The following RBFOX1 variants were observed in gnomAD, a reference collection of about 807,000 sequenced individuals.
RBFOX1 encodes the protein RNA binding protein fox-1 homolog 1.
RBFOX1 carries 8 observed loss-of-function variants against 57.7 expected under a neutral mutation model. The ratio of observed to expected loss-of-function variants is 0.14; its 90% CI spans 0.08 to 0.25. The LOEUF (loss-of-function observed/expected upper bound fraction) is 0.25, where lower values mean the gene tolerates loss of function less well. RBFOX1 is among the 10% of genes least tolerant of loss of function. RBFOX1 has a pLI of 1.00. For missense variants in RBFOX1, 611 were observed against 548.5 expected (o/e 1.11, Z -1.14); for synonymous variants, 326 against 222.4 (o/e 1.47, Z -4.15).
intron 1 of RBFOX1, among the ~76,000 whole-genome samples, chr16:5,336,720 G>A (rs151212007): frequency 2.0e-5 from 3 of 152,314 alleles, no homozygotes; most frequent in Non-Finnish European, 4.4e-5. Context: ...GTTGTCTTTA[G>A]AAGCTGACAG....
At chr16:5,813,487 G>A (rs2055509712) in intron 3 of RBFOX1, among the ~76,000 whole-genome samples, 1 of 152,198 alleles carries the variant, frequency 6.6e-6, no homozygotes, top group Non-Finnish European at 1.5e-5. Context: ...TAAAGGGAAT[G>A]AAGCACTGAT....
At chr16:7,181,193 C>T (rs1053402253) in intron 4 of RBFOX1, among the ~76,000 whole-genome samples, 10 of 152,172 alleles carry the variant, frequency 6.6e-5, no homozygotes, top group African/African-American at 1.9e-4. Context: ...TTGAACCTTG[C>T]GTAGTCACAA....
chr16:6,493,856 C>G (rs923455411), intron 2 of RBFOX1, among the ~76,000 whole-genome samples: 3 of 152,150 alleles, frequency 2.0e-5, no homozygotes, highest in Non-Finnish European at 2.9e-5. Context: ...TAGAAATAAT[C>G]AGTATAAACT....
At chr16:6,965,365 T>C (rs1032734419) in intron 3 of RBFOX1, among the ~76,000 whole-genome samples, 1 of 139,848 alleles carries the variant, frequency 7.2e-6, no homozygotes, top group Non-Finnish European at 1.6e-5. Flanking sequence ...GTGTGTATGA[T>C]GGAGTCTTGG....
intron 1 of RBFOX1, among the ~76,000 whole-genome samples, chr16:5,293,198 G>A (rs1487662608): frequency 6.6e-6 from 1 of 152,036 alleles, no homozygotes; most frequent in Non-Finnish European, 1.5e-5. Flanking sequence ...GTGCACGCCT[G>A]TAATCCCAGC....
chr16:7,706,379 T>G (rs1288276050), intron 14 of RBFOX1, among the ~76,000 whole-genome samples: 1 of 152,212 alleles, frequency 6.6e-6, no homozygotes, highest in Non-Finnish European at 1.5e-5. Context: ...TCCTTCTGCC[T>G]TGGAAGAGAA....
intron 5 of RBFOX1, among the ~76,000 whole-genome samples, chr16:7,526,138 T>C (rs187390495): frequency 7.2e-5 from 11 of 152,260 alleles, no homozygotes; most frequent in African/African-American, 2.2e-4. Flanking sequence ...GGGATCTAGA[T>C]TGTGTGCTCC....
intron 3 of RBFOX1, among the ~76,000 whole-genome samples, chr16:5,805,947 G>A (rs972488704): frequency 7.2e-5 from 11 of 152,314 alleles, no homozygotes; most frequent in Admixed American, 3.9e-4. Flanking sequence ...GGAGAAATCT[G>A]TCCTGCATAG....
At chr16:5,747,400 A>G (rs1404578713) in intron 3 of RBFOX1, among the ~76,000 whole-genome samples, 3 of 152,208 alleles carry the variant, frequency 2.0e-5, no homozygotes, top group African/African-American at 7.2e-5. Flanking sequence ...TGGCCTCATA[A>G]AATGAGTTAG....
intron 4 of RBFOX1, among the ~76,000 whole-genome samples, chr16:5,985,958 C>T (rs1401251679): frequency 2.0e-5 from 3 of 152,140 alleles, no homozygotes; most frequent in Admixed American, 2.0e-4. Context: ...CCATTAGTAT[C>T]CACCCGTATA....
chr16:7,613,018 G>A (rs376253177), intron 10 of RBFOX1, among the ~76,000 whole-genome samples: 1 of 152,184 alleles, frequency 6.6e-6, no homozygotes, highest in African/African-American at 2.4e-5. Context: ...TCCATGAGAC[G>A]TGATCAATAG....
intron 2 of RBFOX1, among the ~76,000 whole-genome samples, chr16:6,439,184 G>T (rs928783644): frequency 6.6e-6 from 1 of 152,232 alleles, no homozygotes; most frequent in Non-Finnish European, 1.5e-5. Flanking sequence ...CATGAGGTCA[G>T]TTGCATACAG....
intron 1 of RBFOX1, among the ~76,000 whole-genome samples, chr16:6,076,378 A>G (rs1426061395): frequency 1.3e-5 from 2 of 151,750 alleles, no homozygotes; most frequent in Non-Finnish European, 2.9e-5. Flanking sequence ...TCTTTGGGTT[A>G]CATATGCTTT....
intron 2 of RBFOX1, among the ~76,000 whole-genome samples, chr16:6,437,253 C>T (rs2094261436): frequency 6.6e-6 from 1 of 152,144 alleles, no homozygotes; most frequent in Non-Finnish European, 1.5e-5. Context: ...CCAGTAATTC[C>T]CTACTGACCT....
chr16:7,672,158 T>C (rs532966124), intron 13 of RBFOX1, among the ~76,000 whole-genome samples: 13 of 152,340 alleles, frequency 8.5e-5, no homozygotes, highest in African/African-American at 2.6e-4. Context: ...CCTGTTGTTA[T>C]AGCTTTTAAA....
chr16:5,726,575 G>A (rs1027772442), intron 3 of RBFOX1, among the ~76,000 whole-genome samples: 43 of 152,158 alleles, frequency 2.8e-4, no homozygotes, highest in African/African-American at 1.0e-3. Flanking sequence ...GGAGTCCAGG[G>A]AAGCAGCCTC....
intron 3 of RBFOX1, among the ~76,000 whole-genome samples, chr16:6,728,829 T>C (rs181613770): frequency 1.1e-3 from 171 of 152,324 alleles, no homozygotes; most frequent in African/African-American, 3.7e-3. Context: ...GAATAGTTGA[T>C]CTAATTCATG....
At chr16:6,638,945 A>G (rs2098465364) in intron 2 of RBFOX1, among the ~76,000 whole-genome samples, 1 of 152,146 alleles carries the variant, frequency 6.6e-6, no homozygotes, top group Non-Finnish European at 1.5e-5. Flanking sequence ...GGTCACAGGG[A>G]CAGAAAATAT....
intron 4 of RBFOX1, among the ~76,000 whole-genome samples, chr16:7,328,955 T>G (rs1211815690): frequency 6.6e-6 from 1 of 152,188 alleles, no homozygotes; most frequent in African/African-American, 2.4e-5. Flanking sequence ...CATTTATAAC[T>G]GGCTGGAAAC....
Sources: gnomAD v4.1 joint callset for allele counts (sites outside exome capture counted in the v4.1 genomes callset) on GRCh38, gnomAD v4.1.1 for gene constraint, MANE v1.5 for transcripts, NCBI Gene and HGNC (gene_info 2026-07-23, HGNC 2026-07-21) for gene names.